SPTBN1: variants seen among roughly 807,000 people sequenced by gnomAD.
SPTBN1 encodes the protein spectrin beta, non-erythrocytic 1.
In SPTBN1, 32 loss-of-function variants were observed where a neutral mutation model predicts 266.4. The observed-to-expected ratio is 0.12, with a 90% CI of 0.09 to 0.16. The LOEUF is 0.16. SPTBN1 is among the 10% of genes least tolerant of loss of function. The pLI is 1.00. For synonymous variants in SPTBN1, 1,336 were observed against 1,162.2 expected (o/e 1.15, Z -3.04); for missense variants, 2,296 against 3,067.1 (o/e 0.75, Z 5.94).
At chr2:54,546,801 A>G (rs1176788020) in intron 2 of SPTBN1, 2 of 152,196 alleles carry the variant, frequency 1.3e-5, no homozygotes, top group Admixed American at 1.3e-4. Flanking sequence ...GGAGAGATCA[A>G]TGTGTTGGTT....
At chr2:54,524,546 G>T (rs1670682248) in intron 1 of SPTBN1, among the ~76,000 whole-genome samples, 1 of 152,130 alleles carries the variant, frequency 6.6e-6, no homozygotes, top group African/African-American at 2.4e-5. Flanking sequence ...ACCCAGAGCT[G>T]CACCGCCATC....
At chr2:54,478,066 A>G (rs923782428) in intron 1 of SPTBN1, among the ~76,000 whole-genome samples, 1 of 152,210 alleles carries the variant, frequency 6.6e-6, no homozygotes, top group Non-Finnish European at 1.5e-5. Flanking sequence ...TCACAAAAAC[A>G]TACATTAAGA....
intron 1 of SPTBN1, among the ~76,000 whole-genome samples, chr2:54,481,440 G>T (rs7606582): frequency 6.1e-3 from 452 of 73,842 alleles, no homozygotes; most frequent in African/African-American, 0.03. Flanking sequence ...GTGTGTGTGT[G>T]TTTTGTTTTG....
intron 32 of SPTBN1, chr2:54,662,959 C>G (rs1469454842): frequency 6.6e-6 from 1 of 152,156 alleles, no homozygotes; most frequent in Non-Finnish European, 1.5e-5. Context: ...GGGTTCCAAT[C>G]AAAACCACCA....
intron 2 of SPTBN1, among the ~76,000 whole-genome samples, chr2:54,578,256 A>G (rs1381269922): frequency 6.6e-6 from 1 of 152,244 alleles, no homozygotes; most frequent in Non-Finnish European, 1.5e-5. Flanking sequence ...CAATGTTCAA[A>G]GGTGATGGCA....
chr2:54,660,449 A>G (rs1558480718), intron 32 of SPTBN1: 1 of 1,008,822 alleles, frequency 9.9e-7, no homozygotes, highest in Non-Finnish European at 1.2e-6. Flanking sequence ...GTACTGTGCT[A>G]TATGTAGCCG....
intron 2 of SPTBN1, among the ~76,000 whole-genome samples, chr2:54,564,727 AGGAGGTTGG>A: frequency 6.6e-6 from 1 of 152,328 alleles, no homozygotes; most frequent in East Asian, 1.9e-4. Context: ...TAGGCATTCC[AGGAGGTTGG>A]GGAGGTCAAC....
intron 1 of SPTBN1, among the ~76,000 whole-genome samples, chr2:54,503,966 G>A (rs1427884921): frequency 1.3e-5 from 2 of 152,152 alleles, no homozygotes; most frequent in African/African-American, 4.8e-5. Flanking sequence ...TATTTTGATT[G>A]CTTGGTTTGG....
At chr2:54,621,324 G>T in intron 7 of SPTBN1, 76 bp from the exon 8 acceptor site, 2 of 1,026,406 alleles carry the variant, frequency 1.9e-6, no homozygotes, top group Non-Finnish European at 1.5e-6. Context: ...ACCAGCAGTC[G>T]TTGCATTTGT....
Position 54,522,697 on chromosome 2 carries a change from G to GAGAAAGAGAAAGAAAGAA in SPTBN1, c.-47-3668_-47-3667insGAAAGAAAGAAAGAAAGA, listed in dbSNP as rs1553439439. The stretch of plus-strand genomic sequence containing the variant: ...GAGAGAGGAGAGAGAGAGAGAGAGA[G>GAGAAAGAGAAAGAAAGAA]AGAAAGAAAGAAAGGAAAGAAAGAA... On this transcript the variant is annotated intron_variant, in intron 1 of 35. Transcript: ENST00000356805. Among the ~76,000 whole-genome samples the GAGAAAGAGAAAGAAAGAA allele has an allele frequency of 7.5e-4, 73 of 97,276 alleles. 2 individuals are homozygous for GAGAAAGAGAAAGAAAGAA. The highest frequency in any genetic ancestry group is 2.5e-3 in the African/African-American group (61 of 24,148). The allele number at this position is 97,276 out of a possible 152,430, so 63.8% of individuals were successfully genotyped here. A position where few individuals can be genotyped will look rare whatever the true frequency, so the allele number is the denominator to read the frequency against.
intron 1 of SPTBN1, among the ~76,000 whole-genome samples, chr2:54,487,832 C>CTCTTTTTTTTTT (rs1426296541): frequency 8.8e-3 from 601 of 68,504 alleles, no homozygotes; most frequent in Middle Eastern, 0.019. Flanking sequence ...CCTCCTGTGT[C>CTCTTTTTTTTTT]TTTTTTTTTT....
rs1339050419 is a variant in SPTBN1, at chr2:54,616,372, G to A, written c.566+74G>A. On this transcript the variant is annotated intron_variant, in intron 5 of 35. Transcript: ENST00000356805. ...TTCCACTGCAGTCATCACTTAGAAG[G>A]TGTTGACAGGTATCTTTTCCACTGC... 4.6e-6 allele frequency: 6 copies of A among 1,300,860 alleles called. No homozygotes were observed. The Admixed American group carries it at 5.8e-5, about 13-fold the overall frequency. 80.6% of individuals were successfully genotyped at this position (1,300,860 alleles called of 1,614,324 possible).
chr2:54,531,549 G>A (rs930761085), intron 2 of SPTBN1, among the ~76,000 whole-genome samples: 2 of 151,944 alleles, frequency 1.3e-5, no homozygotes, highest in African/African-American at 4.8e-5. Flanking sequence ...TCAGCCTCTT[G>A]AGTAGCTGGG....
intron 9 of SPTBN1, among the ~76,000 whole-genome samples, chr2:54,622,997 A>C (rs1200145031): frequency 5.3e-5 from 8 of 152,210 alleles, no homozygotes; most frequent in African/African-American, 1.9e-4. Context: ...TTTTTTTCAT[A>C]TCTTTTTTAA....
chr2:54,556,372 C>T (rs573970823), intron 2 of SPTBN1, among the ~76,000 whole-genome samples: 2 of 152,272 alleles, frequency 1.3e-5, no homozygotes, highest in African/African-American at 4.8e-5. Context: ...TACGTTCGTC[C>T]CAGCTCTACT....
chr2:54,505,997 G>A (rs997747273), intron 1 of SPTBN1, among the ~76,000 whole-genome samples: 1 of 152,054 alleles, frequency 6.6e-6, no homozygotes, highest in African/African-American at 2.4e-5. Context: ...GGTGACGGGT[G>A]CCTGTAGTCC....
intron 2 of SPTBN1, among the ~76,000 whole-genome samples, chr2:54,579,020 C>G (rs1674691742): frequency 6.6e-6 from 1 of 152,114 alleles, no homozygotes; most frequent in African/African-American, 2.4e-5. Flanking sequence ...GAGAAGCCCT[C>G]TGGTATGAAT....
Position 54,629,326 on chromosome 2 carries a change from A to G in SPTBN1, c.2192A>G (p.Gln731Arg), listed in dbSNP as rs577860631. 1 of 1,614,056 alleles carries G rather than the reference A, an allele frequency of 6.2e-7. No homozygotes were observed. Among genetic ancestry groups the G allele is most frequent in the South Asian group, 1.1e-5 (1 of 91,088 alleles). ...CGGGAGCAGTGGGCCAACCTAGAGC[A>G]GCTCTCGGCCATTCGGAAGAAGCGC... The part of the protein sequence containing the change: ...YIREQWANLE[Q>R]LSAIRKKRLE... The change falls in exon 14 of 36, where the codon CAG becomes CGG. Residue 731 changes from glutamine (Q) to arginine (R), a missense_variant. Coordinates refer to ENST00000356805, the MANE Select transcript of SPTBN1 (RefSeq NM_003128.3).
At chr2:54,621,329 A>G (rs1306086196) in intron 7 of SPTBN1, 71 bp from the exon 8 acceptor site, 3 of 1,150,434 alleles carry the variant, frequency 2.6e-6, no homozygotes, top group East Asian at 2.4e-5. Flanking sequence ...CAGTCGTTGC[A>G]TTTGTTCCTG....
Sources: allele counts gnomAD v4.1 joint callset (sites outside exome capture counted in the v4.1 genomes callset), GRCh38; gene constraint gnomAD v4.1.1; transcripts MANE v1.5; gene names NCBI Gene and HGNC (gene_info 2026-07-23, HGNC 2026-07-21).